The following CDH13 variants were observed in gnomAD, a reference collection of about 807,000 sequenced individuals.
The protein encoded by CDH13 is cadherin 13.
CDH13 carries 24 observed loss-of-function variants against 63.8 expected under a neutral mutation model. The observed-to-expected ratio is 0.38, with a 90% CI of 0.27 to 0.53. The LOEUF is 0.53. CDH13 is among the 20% of genes least tolerant of loss of function. CDH13 has a pLI of 0.85. For synonymous variants in CDH13, 503 were observed against 355.3 expected, an observed-to-expected ratio of 1.42 and a Z score of -4.67; for missense variants, 1,049 against 903.1, an observed-to-expected ratio of 1.16 and a Z score of -2.07.
chr16:82,759,105 C>T (rs926336013), intron 1 of CDH13, among the ~76,000 whole-genome samples: 1 of 152,206 alleles, frequency 6.6e-6, no homozygotes, highest in East Asian at 1.9e-4. Context: ...CCTGGGGTCT[C>T]TCTTAACTGT....
chr16:82,804,089 G>T (rs554226067), intron 1 of CDH13, among the ~76,000 whole-genome samples: 1 of 144,786 alleles, frequency 6.9e-6, no homozygotes, highest in Non-Finnish European at 1.5e-5. Flanking sequence ...TTAGCTGGGC[G>T]TGGTGGTGCG....
intron 4 of CDH13, among the ~76,000 whole-genome samples, chr16:83,215,322 GC>G (rs1322410143): frequency 3.3e-5 from 5 of 151,556 alleles, no homozygotes; most frequent in African/African-American, 1.2e-4. Flanking sequence ...CAAGTGATCC[GC>G]CCACCTTGGC....
At chr16:83,565,239 G>C (rs1458614225) in intron 7 of CDH13, among the ~76,000 whole-genome samples, 20 of 151,950 alleles carry the variant, frequency 1.3e-4, no homozygotes, top group Non-Finnish European at 2.8e-4. Flanking sequence ...TGCCCTCATA[G>C]TACCCTGACC....
intron 2 of CDH13, among the ~76,000 whole-genome samples, chr16:83,001,740 T>C (rs1308998115): frequency 6.6e-6 from 1 of 152,192 alleles, no homozygotes; most frequent in Non-Finnish European, 1.5e-5. Context: ...GGACATTTGA[T>C]GTAAAGGATA....
intron 1 of CDH13, among the ~76,000 whole-genome samples, chr16:82,635,282 G>C (rs987050305): frequency 4.6e-5 from 7 of 152,250 alleles, no homozygotes; most frequent in African/African-American, 1.7e-4. Flanking sequence ...AAGGATCTGG[G>C]CGGCTTCCCT....
chr16:83,155,457 G>T (rs762179463), intron 4 of CDH13, among the ~76,000 whole-genome samples: 3 of 152,154 alleles, frequency 2.0e-5, no homozygotes, highest in Non-Finnish European at 4.4e-5. Flanking sequence ...AAGGACGATG[G>T]GGAAAATAAA....
chr16:83,508,088 G>GAAGGAAGGAAGGAAGT (rs1319740145), intron 7 of CDH13, among the ~76,000 whole-genome samples: 1 of 70,568 alleles, frequency 1.4e-5, no homozygotes, highest in African/African-American at 5.3e-5. Context: ...AGGAAGGAAG[G>GAAGGAAGGAAGGAAGT]AAGGAAGGAA....
intron 13 of CDH13, among the ~76,000 whole-genome samples, chr16:83,787,169 T>G (rs1341976461): frequency 6.6e-6 from 1 of 152,232 alleles, no homozygotes; most frequent in African/African-American, 2.4e-5. Flanking sequence ...TTCTGCGACT[T>G]ACTTTTCTTC....
At chr16:83,352,849 C>G (rs1258961346) in intron 6 of CDH13, among the ~76,000 whole-genome samples, 1 of 152,174 alleles carries the variant, frequency 6.6e-6, no homozygotes, top group Non-Finnish European at 1.5e-5. Flanking sequence ...GAGATCGTGA[C>G]ACTGCACTCC....
chr16:82,639,469 A>C, intron 1 of CDH13: 1 of 1,522,864 alleles, frequency 6.6e-7, no homozygotes, highest in South Asian at 1.2e-5. Context: ...CATGCAGGTA[A>C]ATTTGCCTGC....
chr16:82,671,241 G>T (rs1239769026), intron 1 of CDH13, among the ~76,000 whole-genome samples: 1 of 152,156 alleles, frequency 6.6e-6, no homozygotes, highest in African/African-American at 2.4e-5. Flanking sequence ...AATGAAGAAG[G>T]CAACAAAAGG....
At chr16:82,892,229 A>C (rs2041105078) in intron 2 of CDH13, among the ~76,000 whole-genome samples, 1 of 152,222 alleles carries the variant, frequency 6.6e-6, no homozygotes, top group African/African-American at 2.4e-5. Flanking sequence ...TAACACACAT[A>C]ACGCTTAGGA....
intron 3 of CDH13, among the ~76,000 whole-genome samples, chr16:83,082,029 A>C (rs1490736976): frequency 1.3e-5 from 2 of 151,890 alleles, no homozygotes; most frequent in Admixed American, 1.3e-4. Context: ...CGAACTCCCA[A>C]CCTCAGGTGA....
chr16:83,449,369 G>T (rs556494265), intron 6 of CDH13, among the ~76,000 whole-genome samples: 3 of 152,244 alleles, frequency 2.0e-5, no homozygotes, highest in Non-Finnish European at 4.4e-5. Context: ...GGAAGTCCCT[G>T]TCCGCTGGGC....
chr16:83,566,399 C>G (rs572056282), intron 7 of CDH13, among the ~76,000 whole-genome samples: 44 of 152,280 alleles, frequency 2.9e-4, no homozygotes, highest in African/African-American at 9.9e-4. Context: ...CCCTTATTCA[C>G]TCCTGTCATA....
intron 5 of CDH13, among the ~76,000 whole-genome samples, chr16:83,340,653 C>A (rs1597788953): frequency 6.6e-6 from 1 of 152,150 alleles, no homozygotes; most frequent in East Asian, 1.9e-4. Context: ...ACCGAGGAGC[C>A]TGCATTTCTA....
intron 4 of CDH13, among the ~76,000 whole-genome samples, chr16:83,217,033 C>T (rs1027409863): frequency 6.6e-6 from 1 of 152,062 alleles, no homozygotes; most frequent in African/African-American, 2.4e-5. Flanking sequence ...AAATATATTT[C>T]GTGGAGTTAA....
At chr16:82,900,875 A>G (rs2041444170) in intron 2 of CDH13, among the ~76,000 whole-genome samples, 2 of 152,350 alleles carry the variant, frequency 1.3e-5, no homozygotes, top group Middle Eastern at 3.4e-3. Flanking sequence ...CTCAGAATTA[A>G]TTGTTAGGAT....
chr16:83,323,230 C>A (rs1410490809), intron 5 of CDH13, among the ~76,000 whole-genome samples: 1 of 140,498 alleles, frequency 7.1e-6, no homozygotes. Flanking sequence ...TTCTTTCTTT[C>A]TTTCTTTCTT....
Sources: gnomAD v4.1 joint callset for allele counts (sites outside exome capture counted in the v4.1 genomes callset) on GRCh38, gnomAD v4.1.1 for gene constraint, MANE v1.5 for transcripts, NCBI Gene and HGNC (gene_info 2026-07-23, HGNC 2026-07-21) for gene names.